AGAP1: variants seen among roughly 807,000 people sequenced by gnomAD.
AGAP1 encodes ArfGAP with GTPase domain, ankyrin repeat and PH domain 1.
AGAP1 carries 29 observed loss-of-function variants against 105.3 expected under a neutral mutation model. The observed-to-expected ratio is 0.28, with a 90% CI of 0.21 to 0.38. The LOEUF (loss-of-function observed/expected upper bound fraction) is 0.38. AGAP1 is among the 10% of genes least tolerant of loss of function. The pLI is 1.00. For missense variants in AGAP1, 998 were observed against 1,165.1 expected (o/e 0.86, Z 2.09); for synonymous variants, 509 against 485.9 (o/e 1.05, Z -0.63).
rs2125930811 is a variant in AGAP1 at position 236,109,441 on chromosome 2, T to G, written c.2115-10751T>G. ...ATTATAAATATTTATAATAATAAAT[T>G]ATAGATAGTTTTGATAGGGAAGAAG... On this transcript the variant is annotated intron_variant, in intron 16 of 17. Transcript: ENST00000304032. The surrounding 1 kb of genome is among the most constrained non-coding windows in gnomAD (Gnocchi z 5.4). Among the ~76,000 whole-genome samples the G allele has an allele frequency of 6.6e-6, 1 of 152,222 alleles. No homozygotes were observed. The highest frequency in any genetic ancestry group is 2.4e-5 in the African/African-American group (1 of 41,538).
chr2:235,958,743 A>T lies in AGAP1; in HGVS notation c.1484-9719A>T, dbSNP rs572920711. Among the ~76,000 whole-genome samples the T allele has an allele frequency of 6.6e-6, 1 of 152,204 alleles. No homozygotes were observed. Among genetic ancestry groups the T allele is most frequent in the Non-Finnish European group, 1.5e-5 (1 of 68,032 alleles). ...GTCCTTGGGCCTGTCTGCCGGAATGATAGCTAAGAATACATTCCTGGCCCA... is the reference window on the plus strand; with the variant it reads ...GTCCTTGGGCCTGTCTGCCGGAATGTTAGCTAAGAATACATTCCTGGCCCA... On this transcript the variant is annotated intron_variant, in intron 12 of 17. Coordinates refer to ENST00000304032, the MANE Select transcript of AGAP1 (RefSeq NM_001037131.3). This position sits in a 1 kb window ranked among gnomAD's most constrained non-coding sequence, Gnocchi z 4.1.
At chr2:236,106,396 G>A (rs542788913) in intron 16 of AGAP1, among the ~76,000 whole-genome samples, 2 of 152,334 alleles carry the variant, frequency 1.3e-5, no homozygotes, top group South Asian at 4.1e-4. Context: ...CAGGCACTGC[G>A]GCAGCGCACA....
chr2:235,548,973 T>A (rs1943716733), intron 1 of AGAP1, among the ~76,000 whole-genome samples: 1 of 152,190 alleles, frequency 6.6e-6, no homozygotes, highest in Non-Finnish European at 1.5e-5. Flanking sequence ...TCTGTACCCC[T>A]GCTCTGGAGC....
chr2:235,511,938 ATG>A (rs1361545408), intron 1 of AGAP1, among the ~76,000 whole-genome samples: 2 of 143,010 alleles, frequency 1.4e-5, no homozygotes, highest in Non-Finnish European at 3.0e-5. Flanking sequence ...GTGAATGTGT[ATG>A]TGTGGGTGTG....
chr2:235,670,461 C>T, intron 1 of AGAP1: 1 of 527,604 alleles, frequency 1.9e-6, no homozygotes, highest in South Asian at 2.2e-5. Flanking sequence ...GCGGACCTGG[C>T]CGGCAGCGCC....
intron 6 of AGAP1, chr2:235,774,559 T>G: frequency 3.2e-6 from 1 of 313,378 alleles, no homozygotes; most frequent in South Asian, 2.5e-5. Flanking sequence ...GACTGAAAAC[T>G]GTCGCATTTA....
Position 236,073,852 on chromosome 2 carries a change from C to A in AGAP1, c.2114+24571C>A, listed in dbSNP as rs1576236020. On this transcript the variant is annotated intron_variant, in intron 16 of 17. Transcript: ENST00000304032. This position sits in a 1 kb window ranked among gnomAD's most constrained non-coding sequence, Gnocchi z 5.4. ...AGAATCTGCAGGAGACCTGCAGCCC[C>A]CCACCAGACCCCCAGAATCACACTA... Among the ~76,000 whole-genome samples the A allele has an allele frequency of 6.6e-6, 1 of 152,252 alleles. No homozygotes were observed. Among genetic ancestry groups the A allele is most frequent in the East Asian group, 1.9e-4 (1 of 5,164 alleles).
chr2:235,882,417 T>A lies in AGAP1; in HGVS notation c.1051-928T>A, dbSNP rs1005622845. On this transcript the variant is annotated intron_variant, in intron 9 of 17. Transcript: ENST00000304032. The surrounding 1 kb of genome is among the most constrained non-coding windows in gnomAD (Gnocchi z 4.6). The stretch of plus-strand genomic sequence containing the variant: ...GGTCTCTTTGGTCGGCAGGGTGTTC[T>A]TCTCCTGCGTCTCCGTTTTCTTCAG... 104 of 1,584,398 alleles carry A rather than the reference T, an allele frequency of 6.6e-5. No homozygotes were observed. The highest frequency in any genetic ancestry group is 8.4e-5 in the Non-Finnish European group (97 of 1,156,862).
chr2:235,893,308 G>T lies in AGAP1; in HGVS notation c.1155+9859G>T, dbSNP rs574864380. 6.6e-6 allele frequency among the ~76,000 whole-genome samples: 1 copy of T among 150,778 alleles called. No homozygotes were observed. Among genetic ancestry groups the T allele is most frequent in the Non-Finnish European group, 1.5e-5 (1 of 67,746 alleles). On this transcript the variant is annotated intron_variant, in intron 10 of 17. Transcript: ENST00000304032. This position sits in a 1 kb window ranked among gnomAD's most constrained non-coding sequence, Gnocchi z 4.7. ...GTGGGTGTAGCGTGTCTGTGGCGCA[G>T]GTGTGCCGTGTCTGTGGCATGGGTG... is the stretch of plus-strand genomic sequence containing the variant.
At position 235,574,295 on chromosome 2, in the gene AGAP1, G is replaced by T. The variant is rs565894791; in HGVS notation, c.163+79446G>T. Among the ~76,000 whole-genome samples, 1 of 152,178 alleles carries T rather than the reference G, an allele frequency of 6.6e-6. No homozygotes were observed. The highest frequency in any genetic ancestry group is 1.5e-5 in the Non-Finnish European group (1 of 68,036). On this transcript the variant is annotated intron_variant, in intron 1 of 17. Coordinates refer to ENST00000304032, the MANE Select transcript of AGAP1 (RefSeq NM_001037131.3). The surrounding 1 kb of genome is among the most constrained non-coding windows in gnomAD (Gnocchi z 5.0). ...CTGCCATCAGGCATTAAAATCTTCC[G>T]AACAGAAAAGCTGAAAATGTTCCCT...
intron 1 of AGAP1, among the ~76,000 whole-genome samples, chr2:235,530,160 G>T (rs1574777001): frequency 6.6e-6 from 1 of 152,158 alleles, no homozygotes; most frequent in Non-Finnish European, 1.5e-5. Flanking sequence ...TGGAGCTGCA[G>T]TTGGCCTCAA....
chr2:235,588,414 C>T (rs185892825), intron 1 of AGAP1, among the ~76,000 whole-genome samples: 122 of 152,172 alleles, frequency 8.0e-4, no homozygotes, highest in Non-Finnish European at 1.5e-3. Flanking sequence ...TTAATGCCAA[C>T]GCACCGTCAC....
intron 1 of AGAP1, among the ~76,000 whole-genome samples, chr2:235,672,003 C>T (rs1948458720): frequency 6.6e-6 from 1 of 151,892 alleles, no homozygotes; most frequent in Non-Finnish European, 1.5e-5. Context: ...GGTTGTATGC[C>T]TGAAGATATT....
Position 235,879,342 on chromosome 2 carries a change from C to G in AGAP1, c.1051-4003C>G, listed in dbSNP as rs1331397499. Among the ~76,000 whole-genome samples the G allele has an allele frequency of 1.3e-5, 2 of 152,182 alleles. No homozygotes were observed. The highest frequency in any genetic ancestry group is 1.5e-5 in the Non-Finnish European group (1 of 68,026). On this transcript the variant is annotated intron_variant, in intron 9 of 17. Coordinates refer to ENST00000304032, the MANE Select transcript of AGAP1 (RefSeq NM_001037131.3). The surrounding 1 kb of genome is among the most constrained non-coding windows in gnomAD (Gnocchi z 5.0). ...TGGCAAGCGGGGCAGCCAAGTGGCT[C>G]TTGGTCGCCACAGCAATTCTTGGGG...
At chr2:235,794,409 G>T (rs1022262166) in intron 6 of AGAP1, among the ~76,000 whole-genome samples, 1 of 152,156 alleles carries the variant, frequency 6.6e-6, no homozygotes, top group Non-Finnish European at 1.5e-5. Context: ...GAGTCATAGG[G>T]AAGTGTGCTG....
intron 1 of AGAP1, among the ~76,000 whole-genome samples, chr2:235,564,206 C>T (rs1263787117): frequency 6.6e-6 from 1 of 152,198 alleles, no homozygotes; most frequent in Non-Finnish European, 1.5e-5. Flanking sequence ...TCTGGCTGCT[C>T]ATGACCAGGG....
In AGAP1 at chr2:236,053,535, T is replaced by C. The variant is rs2057969049; in HGVS notation, c.2114+4254T>C. Among the ~76,000 whole-genome samples, 2 of 152,270 alleles carry C rather than the reference T, an allele frequency of 1.3e-5. No individual in the cohort carries two copies. Among genetic ancestry groups the C allele is most frequent in the South Asian group, 4.1e-4 (2 of 4,836 alleles). On this transcript the variant is annotated intron_variant, in intron 16 of 17. Transcript: ENST00000304032. The surrounding 1 kb of genome is among the most constrained non-coding windows in gnomAD (Gnocchi z 4.6). ...GCACTTAAAAACATTTGGGATTGGC[T>C]GCAGTGCAAGTGATTTCCTAGCAGG...
In AGAP1 at chr2:235,824,628, C is replaced by T. The variant is rs1187517453; in HGVS notation, c.1050+17297C>T. Reference sequence around the variant, plus strand: ...TTGTTAATTGATTTGGTGATTCCCTCGGGTCTGCATGCTCCTTTTCCCCCT... The same window carrying T: ...TTGTTAATTGATTTGGTGATTCCCTTGGGTCTGCATGCTCCTTTTCCCCCT... On this transcript the variant is annotated intron_variant, in intron 9 of 17. Coordinates refer to ENST00000304032, the MANE Select transcript of AGAP1 (RefSeq NM_001037131.3). This position sits in a 1 kb window ranked among gnomAD's most constrained non-coding sequence, Gnocchi z 5.2. Among the ~76,000 whole-genome samples the T allele has an allele frequency of 2.6e-5, 4 of 152,138 alleles. No individual in the cohort carries two copies. Among genetic ancestry groups the T allele is most frequent in the South Asian group, 4.1e-4 (2 of 4,820 alleles).
rs1961116799 is a variant in AGAP1 at position 235,843,580 on chromosome 2, G to A, written c.1050+36249G>A. Among the ~76,000 whole-genome samples the A allele has an allele frequency of 6.6e-6, 1 of 152,130 alleles. No homozygotes were observed. The highest frequency in any genetic ancestry group is 2.4e-5 in the African/African-American group (1 of 41,418). On this transcript the variant is annotated intron_variant, in intron 9 of 17. Coordinates refer to ENST00000304032, the MANE Select transcript of AGAP1 (RefSeq NM_001037131.3). This position sits in a 1 kb window ranked among gnomAD's most constrained non-coding sequence, Gnocchi z 5.9. ...CCCATTTGCAGCCTCTAGGTGCCCTGTCTTGGCCAGCAGCACTTGCCTTCT... is the reference window on the plus strand; with the variant it reads ...CCCATTTGCAGCCTCTAGGTGCCCTATCTTGGCCAGCAGCACTTGCCTTCT...
Sources: gnomAD v4.1 joint callset for allele counts (sites outside exome capture counted in the v4.1 genomes callset) on GRCh38, gnomAD v4.1.1 for gene constraint, Gnocchi (gnomAD v3.1) non-coding constraint, MANE v1.5 for transcripts, NCBI Gene and HGNC (gene_info 2026-07-23, HGNC 2026-07-21) for gene names.